DUOX1: variants seen among roughly 807,000 people sequenced by gnomAD.
DUOX1 encodes dual oxidase 1.
DUOX1 carries 134 observed loss-of-function variants against 181.8 expected under a neutral mutation model. The observed-to-expected ratio is 0.74, with a 90% CI of 0.64 to 0.85. DUOX1 has a LOEUF of 0.85. Among genes scored for constraint, DUOX1 ranks in the 40% least tolerant of loss-of-function variants. DUOX1 has a pLI of 0.00. For synonymous variants in DUOX1, 798 were observed against 832.5 expected, an observed-to-expected ratio of 0.96 and a Z score of 0.71; for missense variants, 1,814 against 2,064.4, an observed-to-expected ratio of 0.88 and a Z score of 2.35.
intron 1 of DUOX1, among the ~76,000 whole-genome samples, chr15:45,131,173 C>T (rs1296011740): frequency 1.3e-5 from 2 of 152,166 alleles, no homozygotes; most frequent in Admixed American, 6.5e-5. Context: ...AGGAGGTCTT[C>T]GCCGGCTTTA....
chr15:45,137,525 G>A (rs1567009553), intron 9 of DUOX1, among the ~76,000 whole-genome samples: 1 of 152,190 alleles, frequency 6.6e-6, no homozygotes, highest in East Asian at 1.9e-4. Flanking sequence ...TATGCCTGAT[G>A]ATGTCTGAGA....
intron 29 of DUOX1, 84 bp from the exon 30 acceptor site, chr15:45,161,654 T>C (rs1897106164): frequency 1.6e-6 from 2 of 1,227,478 alleles, no homozygotes; most frequent in East Asian, 4.8e-5. Flanking sequence ...GAAGCAGAGC[T>C]GAGGCTGTGG....
Position 45,152,016 on chromosome 15 carries a change from G to A in DUOX1, c.3157G>A (p.Ala1053Thr), listed in dbSNP as rs758518214. The change falls in exon 24 of 34, where the codon GCC becomes ACC. Residue 1053 changes from alanine (A) to threonine (T), a missense_variant. By Grantham distance (58) the Ala-to-Thr change is moderately conservative (BLOSUM62 0). Coordinates refer to ENST00000389037, the MANE Select transcript of DUOX1 (RefSeq NM_175940.3). Reference sequence around the variant, plus strand: ...CATCGGCTGCGTGGCCGTGTTCTACGCCATCGCTGGGGGGCTTTTCCTGGA... The same window carrying A: ...CATCGGCTGCGTGGCCGTGTTCTACACCATCGCTGGGGGGCTTTTCCTGGA... ...RHIGCVAVFY[A>T]IAGGLFLERA... 3.1e-6 allele frequency: 5 copies of A among 1,613,996 alleles called. No individual in the cohort carries two copies. In the African/African-American group the frequency reaches 5.3e-5, roughly 17 times the overall value.
intron 2 of DUOX1, among the ~76,000 whole-genome samples, chr15:45,133,526 G>A (rs1403749294): frequency 1.3e-5 from 2 of 152,104 alleles, no homozygotes; most frequent in Non-Finnish European, 2.9e-5. Context: ...TGAAGTTTAA[G>A]GGGAGTAAAG....
In DUOX1 at chr15:45,136,357, C is replaced by T. The variant is rs1165839349; in HGVS notation, c.872C>T (p.Ala291Val). The T allele has an allele frequency of 7.4e-6, 12 of 1,613,790 alleles. No homozygotes were observed. The Admixed American group carries it at 1.0e-4, about 13-fold the overall frequency. Residue 291 changes from alanine (A) to valine (V), a missense_variant, in exon 8 of 34, where the codon GCT becomes GTT. Coordinates refer to ENST00000389037, the MANE Select transcript of DUOX1 (RefSeq NM_175940.3). ...CCCCTCTCTGCCCCTCAGAACATCG[C>T]TGTGTATGAGTGGCTGCCCAGCTTC... ...KRVIATYQNIAVYEWLPSFLQ... is the reference protein window; with the variant it reads ...KRVIATYQNIVVYEWLPSFLQ...
chr15:45,163,952 T>C (rs761629500), intron 33 of DUOX1, 34 bp downstream of exon 33: 1 of 1,607,384 alleles, frequency 6.2e-7, no homozygotes, highest in South Asian at 1.1e-5. Flanking sequence ...TCTCTTCCTC[T>C]TTATCATTTG....
At chr15:45,154,024 A>C in intron 27 of DUOX1, 24 bp downstream of exon 27, 1 of 1,611,642 alleles carries the variant, frequency 6.2e-7, no homozygotes, top group Non-Finnish European at 8.5e-7. Context: ...TTGATCCATG[A>C]ATTTCTGGAC....
At position 45,139,047 on chromosome 15, in the gene DUOX1, C is replaced by T; in HGVS notation, c.1114-19C>T. ...CCCATTAACCACACCCCTTTCCTCC[C>T]CACCCCCAACCTATAAAGCACCCAA... is the stretch of plus-strand genomic sequence containing the variant. On this transcript the variant is annotated intron_variant, in intron 10 of 33. Transcript: ENST00000389037. 1 of 1,609,314 alleles carries T rather than the reference C, an allele frequency of 6.2e-7. No homozygotes were observed. Among genetic ancestry groups the T allele is most frequent in the Non-Finnish European group, 8.5e-7 (1 of 1,177,494 alleles).
rs1172415808 is a variant in DUOX1 at position 45,152,390 on chromosome 15, A to G, written c.3298A>G (p.Ile1100Val). The change falls in exon 25 of 34, where the codon ATC becomes GTC. Residue 1100 changes from isoleucine (I) to valine (V), a missense_variant. Coordinates refer to ENST00000389037, the MANE Select transcript of DUOX1 (RefSeq NM_175940.3). The stretch of plus-strand genomic sequence containing the variant: ...CAGCATCTCTTTCATGTTCTCCTAC[A>G]TCTTGCTCACCATGTGCCGCAACCT... ...AASISFMFSY[I>V]LLTMCRNLIT... 6.2e-6 allele frequency: 10 copies of G among 1,614,164 alleles called. No individual in the cohort carries two copies. Among genetic ancestry groups the G allele is most frequent in the Non-Finnish European group, 7.6e-6 (9 of 1,180,028 alleles).
chr15:45,159,276 A>G (rs1897040644), intron 28 of DUOX1, among the ~76,000 whole-genome samples: 1 of 152,198 alleles, frequency 6.6e-6, no homozygotes, highest in Admixed American at 6.5e-5. Context: ...GAAAGAGATG[A>G]GCAGAGGGTG....
intron 29 of DUOX1, among the ~76,000 whole-genome samples, 159 bp downstream of exon 29, chr15:45,161,149 C>G (rs1234996892): frequency 2.0e-5 from 3 of 152,058 alleles, no homozygotes; most frequent in Admixed American, 1.3e-4. Context: ...CGCAGTGGCT[C>G]ACGCCTGTAA....
intron 4 of DUOX1, 26 bp from the exon 5 acceptor site, chr15:45,135,078 A>G: frequency 6.2e-7 from 1 of 1,607,056 alleles, no homozygotes. Flanking sequence ...TGCTTGCCCT[A>G]GCACCCCCTC....
At chr15:45,162,127 A>C in intron 30 of DUOX1, 92 bp from the exon 31 acceptor site, 1 of 1,532,110 alleles carries the variant, frequency 6.5e-7, no homozygotes, top group Admixed American at 1.8e-5. Flanking sequence ...CCCTCACTCC[A>C]TATACGTATC....
intron 33 of DUOX1, 150 bp downstream of exon 33, chr15:45,164,068 G>C: frequency 7.8e-7 from 1 of 1,274,556 alleles, no homozygotes; most frequent in South Asian, 1.5e-5. Flanking sequence ...GAAAGGATAG[G>C]TGGGTGTCAC....
rs962334942 is a variant in DUOX1 at position 45,151,341 on chromosome 15, T to A, written c.3014+93T>A. 12 of 1,515,148 alleles carry A rather than the reference T, an allele frequency of 7.9e-6. No homozygotes were observed. The South Asian group carries it at 1.5e-4, about 19-fold the overall frequency. The allele number at this position is 1,515,148 out of a possible 1,614,324, so 93.9% of individuals were successfully genotyped here. ...TTGGTGCCAGGCACTGTGCTAAACA[T>A]TGTGGGTACAGGCAGGGTGAATAGT... On this transcript the variant is annotated intron_variant, in intron 23 of 33. Transcript: ENST00000389037.
chr15:45,165,417 C>T lies in DUOX1; in HGVS notation c.*516C>T. 6.5e-6 allele frequency: 1 copy of T among 154,950 alleles called. No homozygotes were observed. Among genetic ancestry groups the T allele is most frequent in the Non-Finnish European group, 1.4e-5 (1 of 69,658 alleles). 9.6% of individuals were successfully genotyped at this position (154,950 alleles called of 1,614,324 possible). On this transcript the variant is annotated 3_prime_UTR_variant, in exon 34 of 34. Coordinates refer to ENST00000389037, the MANE Select transcript of DUOX1 (RefSeq NM_175940.3). ...CCCATGGCAAGCCATTTACAGAAAC[C>T]CACTCGGCACCCCAGTCTAACACCA...
At position 45,130,632 on chromosome 15, in the gene DUOX1, T is replaced by C. The variant is rs554616897; in HGVS notation, c.-50+534T>C. On this transcript the variant is annotated intron_variant, in intron 1 of 33. Coordinates refer to ENST00000389037, the MANE Select transcript of DUOX1 (RefSeq NM_175940.3). ...TGGGCAACCTTCCTGTCAAGGTTGT[T>C]GAGAAGTTACTGCCCCATCGTTGTG... Among the ~76,000 whole-genome samples the C allele has an allele frequency of 2.7e-4, 41 of 152,320 alleles. 1 individual carries two copies. In the South Asian group the frequency reaches 7.9e-3, roughly 29 times the overall value.
rs2141284836 is a variant in DUOX1 at position 45,150,666 on chromosome 15, C to T, written c.2853C>T (p.Cys951=). ...VEVPEVIKDL[C]RRASYISQDM... The stretch of plus-strand genomic sequence containing the variant: ...TGCCTGAAGTCATCAAGGACCTCTG[C>T]CGGCGAGCCTCCTACATCAGCCAGG... Residue 951 remains cysteine, a synonymous_variant, in exon 22 of 34, where the codon TGC becomes TGT. Transcript: ENST00000389037. 1 of 1,614,056 alleles carries T rather than the reference C, an allele frequency of 6.2e-7. No individual in the cohort carries two copies. The highest frequency in any genetic ancestry group is 8.5e-7 in the Non-Finnish European group (1 of 1,180,018).
Position 45,148,442 on chromosome 15 carries a change from T to TGTGTGCCC in DUOX1, c.2813_2814insGTGTGCCC (p.Lys939CysfsTer26). The TGTGTGCCC allele has an allele frequency of 6.2e-7, 1 of 1,611,174 alleles. No individual in the cohort carries two copies. Among genetic ancestry groups the TGTGTGCCC allele is most frequent in the South Asian group, 1.1e-5 (1 of 90,784 alleles). ...GAGCTCCGCTTCACGCAGCTCTGTG[T>TGTGTGCCC]CAAAGGTGGGGCAGCCTGGTAGGCA... On this transcript the variant is annotated frameshift_variant, in exon 21 of 34. Coordinates refer to ENST00000389037, the MANE Select transcript of DUOX1 (RefSeq NM_175940.3). LOFTEE classifies it high-confidence loss of function.
Sources: allele counts gnomAD v4.1 joint callset (sites outside exome capture counted in the v4.1 genomes callset), GRCh38; gene constraint gnomAD v4.1.1; transcripts MANE v1.5; gene names NCBI Gene and HGNC (gene_info 2026-07-23, HGNC 2026-07-21).